The following TRERF1 variants were observed in gnomAD, a reference collection of about 807,000 sequenced individuals.
TRERF1 encodes the protein transcriptional regulating factor 1.
Under a neutral mutation model 122.9 loss-of-function variants are expected in TRERF1, and 27 were observed. That is an observed-to-expected ratio of 0.22 (90% CI 0.16 to 0.30). The LOEUF (loss-of-function observed/expected upper bound fraction) is 0.30, where lower values mean the gene tolerates loss of function less well. Ranked by LOEUF, TRERF1 falls within the 10% of genes least tolerant of loss-of-function variation. The pLI is 1.00. For missense variants in TRERF1, 1,248 were observed against 1,560.3 expected (o/e 0.80, Z 3.37); for synonymous variants, 636 against 641.7 (o/e 0.99, Z 0.13).
chr6:42,346,889 C>CA, intron 3 of TRERF1, among the ~76,000 whole-genome samples: 1 of 152,314 alleles, frequency 6.6e-6, no homozygotes, highest in Admixed American at 6.5e-5. Flanking sequence ...AAGAAGTGGT[C>CA]AACCCAGGGA....
chr6:42,389,911 C>T (rs1276763701), intron 2 of TRERF1, among the ~76,000 whole-genome samples: 1 of 152,232 alleles, frequency 6.6e-6, no homozygotes, highest in Non-Finnish European at 1.5e-5. Context: ...GGAACAATCT[C>T]TCTCTCCATC....
At chr6:42,341,175 C>A (rs1207393140) in intron 3 of TRERF1, among the ~76,000 whole-genome samples, 3 of 152,162 alleles carry the variant, frequency 2.0e-5, no homozygotes, top group Non-Finnish European at 4.4e-5. Context: ...AGGTTTGAAC[C>A]CCGCTCTGTG....
intron 2 of TRERF1, among the ~76,000 whole-genome samples, chr6:42,397,365 G>GT (rs1778772421): frequency 6.6e-6 from 1 of 152,088 alleles, no homozygotes. Flanking sequence ...AGGCACCGTC[G>GT]GGATGTACTG....
At chr6:42,256,861 CAG>C in intron 11 of TRERF1, 30 bp from the exon 12 acceptor site, 1 of 1,613,374 alleles carries the variant, frequency 6.2e-7, no homozygotes, top group Non-Finnish European at 8.5e-7. Context: ...GCCAATGCAT[CAG>C]AGAGAGCTGA....
intron 2 of TRERF1, among the ~76,000 whole-genome samples, chr6:42,408,211 A>ATATATG: frequency 7.0e-5 from 1 of 14,228 alleles, no homozygotes; most frequent in South Asian, 1.8e-3. Context: ...ATATAAATAA[A>ATATATG]TATATATATA....
intron 13 of TRERF1, among the ~76,000 whole-genome samples, chr6:42,254,416 CA>C (rs1253257945): frequency 2.0e-5 from 3 of 152,146 alleles, no homozygotes; most frequent in Admixed American, 2.0e-4. Flanking sequence ...TCTAATCTCA[CA>C]AAAACACTAC....
intron 3 of TRERF1, among the ~76,000 whole-genome samples, chr6:42,331,551 G>A (rs1044466557): frequency 2.0e-5 from 3 of 152,188 alleles, no homozygotes; most frequent in South Asian, 2.1e-4. Context: ...ATCGCCCACC[G>A]GATAACCACT....
rs174276 is a variant in TRERF1, at chr6:42,444,226, C to T, written c.-454+6951G>A. Among the ~76,000 whole-genome samples the T allele has an allele frequency of 4.5e-3, 644 of 142,208 alleles. 3 individuals carry two copies. Among genetic ancestry groups the T allele is most frequent in the African/African-American group, 0.015 (595 of 39,138 alleles). The allele number at this position is 142,208 out of a possible 152,430, so 93.3% of individuals were successfully genotyped here. On this transcript the variant is annotated intron_variant, in intron 2 of 17. Transcript: ENST00000372922. ...TTTCTTTTGAGCTTCTTGCTCAAAA[C>T]CTATGACAGTACCCACCAACTCTGA...
At chr6:42,240,480 G>C (rs1773438834) in intron 15 of TRERF1, among the ~76,000 whole-genome samples, 1 of 152,188 alleles carries the variant, frequency 6.6e-6, no homozygotes, top group African/African-American at 2.4e-5. Context: ...TAGGAGCAAA[G>C]CCTAGGTCTT....
intron 3 of TRERF1, among the ~76,000 whole-genome samples, chr6:42,326,446 C>A (rs1764310226): frequency 6.6e-6 from 1 of 152,168 alleles, no homozygotes; most frequent in African/African-American, 2.4e-5. Flanking sequence ...TGGTTATTAA[C>A]AGATCATGCA....
intron 4 of TRERF1, among the ~76,000 whole-genome samples, chr6:42,282,226 G>A (rs76432481): frequency 0.027 from 4,171 of 152,290 alleles, 58 homozygotes; most frequent in Non-Finnish European, 0.037. Context: ...TGGAATAACC[G>A]CAGGATGGGA....
At chr6:42,328,220 G>A (rs1224081521) in intron 3 of TRERF1, among the ~76,000 whole-genome samples, 2 of 151,894 alleles carry the variant, frequency 1.3e-5, no homozygotes, top group Non-Finnish European at 2.9e-5. Flanking sequence ...TGTTGGCCAG[G>A]CTGGTCTTGA....
intron 4 of TRERF1, among the ~76,000 whole-genome samples, chr6:42,274,739 C>T (rs886399636): frequency 7.9e-5 from 12 of 151,732 alleles, no homozygotes; most frequent in Admixed American, 1.3e-4. Context: ...AATGATTTTT[C>T]CTAAAACACC....
chr6:42,253,726 G>A (rs1035257617), intron 13 of TRERF1, among the ~76,000 whole-genome samples: 19 of 152,320 alleles, frequency 1.2e-4, no homozygotes, highest in African/African-American at 4.3e-4. Flanking sequence ...ATGACAGGCA[G>A]GAAGGCTCGT....
In TRERF1 at chr6:42,236,199, A is replaced by G; in HGVS notation, c.3066+6T>C. ...CCAGATCCCCAGACGACACAGACAC[A>G]CTTACAGCCCCACAGTTGGGCATTT... On this transcript the variant is annotated splice_donor_region_variant and intron_variant, in intron 16 of 17. Transcript: ENST00000372922. 6.4e-7 allele frequency: 1 copy of G among 1,565,746 alleles called. No homozygotes were observed. The highest frequency in any genetic ancestry group is 8.6e-7 in the Non-Finnish European group (1 of 1,160,720).
intron 13 of TRERF1, among the ~76,000 whole-genome samples, chr6:42,249,429 T>C (rs1310726832): frequency 6.6e-6 from 1 of 152,186 alleles, no homozygotes; most frequent in Admixed American, 6.5e-5. Flanking sequence ...CTGAGAAGCA[T>C]GTCCCTTCAT....
At chr6:42,399,468 G>A (rs935698685) in intron 2 of TRERF1, among the ~76,000 whole-genome samples, 1 of 152,128 alleles carries the variant, frequency 6.6e-6, no homozygotes, top group Non-Finnish European at 1.5e-5. Flanking sequence ...TGCATGAAAG[G>A]AAGAGGTCCT....
chr6:42,441,664 A>T (rs1054436492), intron 2 of TRERF1, among the ~76,000 whole-genome samples: 3 of 144,490 alleles, frequency 2.1e-5, no homozygotes, highest in East Asian at 2.0e-4. Flanking sequence ...CCAGAGGTTT[A>T]AAAAAAAAAA....
intron 3 of TRERF1, among the ~76,000 whole-genome samples, chr6:42,361,254 C>A (rs1771702757): frequency 6.6e-6 from 1 of 152,166 alleles, no homozygotes; most frequent in African/African-American, 2.4e-5. Flanking sequence ...CATACTGGCA[C>A]CCTCATCTCA....
Sources: allele counts gnomAD v4.1 joint callset (sites outside exome capture counted in the v4.1 genomes callset), GRCh38; gene constraint gnomAD v4.1.1; transcripts MANE v1.5; gene names NCBI Gene and HGNC (gene_info 2026-07-23, HGNC 2026-07-21).